FGGY: variants seen among roughly 807,000 people sequenced by gnomAD.
The protein encoded by FGGY is FGGY carbohydrate kinase domain-containing protein.
FGGY carries 72 observed loss-of-function variants against 71.3 expected under a neutral mutation model. The observed-to-expected ratio is 1.01, with a 90% CI of 0.84 to 1.23. FGGY has a LOEUF of 1.23. Among genes scored for constraint, FGGY ranks in the 50% most tolerant of loss-of-function variants. The pLI is 0.00. For synonymous variants in FGGY, 251 were observed against 250.3 expected (o/e 1.00, Z -0.02); for missense variants, 668 against 682.3 (o/e 0.98, Z 0.23).
intron 5 of FGGY, among the ~76,000 whole-genome samples, chr1:59,427,732 C>CA (rs1195776914): frequency 6.6e-6 from 1 of 152,186 alleles, no homozygotes; most frequent in African/African-American, 2.4e-5. Context: ...ACAAGGCAGT[C>CA]AAAGTACCTT....
chr1:59,718,932 C>A (rs2097864262), intron 14 of FGGY, among the ~76,000 whole-genome samples: 1 of 152,224 alleles, frequency 6.6e-6, no homozygotes, highest in African/African-American at 2.4e-5. Context: ...ATAACTGGCA[C>A]CCAGGACCAC....
chr1:59,496,087 T>C (rs571050171), intron 6 of FGGY, among the ~76,000 whole-genome samples: 1 of 152,356 alleles, frequency 6.6e-6, no homozygotes, highest in South Asian at 2.1e-4. Context: ...ATGGCCATTT[T>C]AATAATATTG....
intron 13 of FGGY, among the ~76,000 whole-genome samples, chr1:59,673,212 T>G (rs1030570025): frequency 1.3e-5 from 2 of 152,024 alleles, no homozygotes; most frequent in African/African-American, 4.8e-5. Flanking sequence ...GATGAAGCAG[T>G]TAAGGGGGTA....
At chr1:59,384,253 T>A (rs2059824119) in intron 5 of FGGY, among the ~76,000 whole-genome samples, 1 of 148,424 alleles carries the variant, frequency 6.7e-6, no homozygotes, top group Non-Finnish European at 1.5e-5. Context: ...TGTGAGCACC[T>A]TCAGAGACCT....
At chr1:59,409,408 T>TGGAGC (rs2063244859) in intron 5 of FGGY, among the ~76,000 whole-genome samples, 1 of 152,148 alleles carries the variant, frequency 6.6e-6, no homozygotes, top group African/African-American at 2.4e-5. Flanking sequence ...ACCTTCAGCC[T>TGGAGC]TGAATGTTCA....
intron 8 of FGGY, among the ~76,000 whole-genome samples, chr1:59,588,078 C>A (rs912012867): frequency 2.0e-5 from 3 of 152,044 alleles, no homozygotes; most frequent in African/African-American, 7.2e-5. Context: ...ACTAGAATAA[C>A]CAATACAAAG....
chr1:59,709,611 G>T (rs1166087101), intron 14 of FGGY, among the ~76,000 whole-genome samples: 18 of 152,136 alleles, frequency 1.2e-4, no homozygotes, highest in Admixed American at 1.1e-3. Context: ...ATCACACAAG[G>T]AATCTACTTG....
intron 6 of FGGY, among the ~76,000 whole-genome samples, chr1:59,491,766 A>C (rs1414390797): frequency 6.6e-6 from 1 of 152,028 alleles, no homozygotes; most frequent in African/African-American, 2.4e-5. Flanking sequence ...ACCTATTTTA[A>C]AAGAGTGGCA....
chr1:59,598,623 C>A (rs1336521781), intron 8 of FGGY, among the ~76,000 whole-genome samples: 1 of 152,044 alleles, frequency 6.6e-6, no homozygotes, highest in East Asian at 1.9e-4. Flanking sequence ...TTGTGTGTAT[C>A]TTGTTTTGCT....
chr1:59,403,572 T>C (rs1039456855), intron 5 of FGGY, among the ~76,000 whole-genome samples: 17 of 152,062 alleles, frequency 1.1e-4, no homozygotes, highest in African/African-American at 3.6e-4. Flanking sequence ...TGAAGGATGA[T>C]CAAGAATCTG....
chr1:59,373,161 C>T (rs924901378), intron 4 of FGGY, among the ~76,000 whole-genome samples: 3 of 152,016 alleles, frequency 2.0e-5, no homozygotes, highest in African/African-American at 7.3e-5. Flanking sequence ...CTAGAAAACC[C>T]CATTGTCTCA....
chr1:59,340,390 G>C (rs2050427743), intron 3 of FGGY, among the ~76,000 whole-genome samples: 1 of 152,212 alleles, frequency 6.6e-6, no homozygotes, highest in Non-Finnish European at 1.5e-5. Context: ...GATGTTTTCT[G>C]AGAAGAGAGT....
intron 8 of FGGY, among the ~76,000 whole-genome samples, chr1:59,600,099 G>A (rs903278966): frequency 2.6e-5 from 4 of 152,168 alleles, no homozygotes; most frequent in Non-Finnish European, 5.9e-5. Context: ...ATTTGGGTCA[G>A]GGAAACGAGT....
intron 4 of FGGY, among the ~76,000 whole-genome samples, chr1:59,377,785 G>T (rs72911698): frequency 0.022 from 3,349 of 152,222 alleles, 107 homozygotes; most frequent in African/African-American, 0.077. Context: ...TCCTGGGAGG[G>T]CACAGGGTGG....
intron 7 of FGGY, among the ~76,000 whole-genome samples, chr1:59,549,946 G>T (rs904471879): frequency 1.3e-5 from 2 of 152,162 alleles, no homozygotes; most frequent in African/African-American, 4.8e-5. Context: ...TATGAACTAT[G>T]TGTGTTACAT....
chr1:59,603,763 A>G (rs2096598922), intron 8 of FGGY, among the ~76,000 whole-genome samples: 1 of 152,160 alleles, frequency 6.6e-6, no homozygotes, highest in Non-Finnish European at 1.5e-5. Flanking sequence ...TCCCTAACCT[A>G]CTTGTCATCA....
intron 13 of FGGY, among the ~76,000 whole-genome samples, chr1:59,672,890 A>C (rs904222313): frequency 3.3e-5 from 5 of 152,210 alleles, no homozygotes; most frequent in African/African-American, 1.2e-4. Context: ...TATTTCTGTT[A>C]ATCTTAAACC....
chr1:59,736,987 G>T (rs2098111601), intron 14 of FGGY, among the ~76,000 whole-genome samples: 1 of 152,262 alleles, frequency 6.6e-6, no homozygotes, highest in Non-Finnish European at 1.5e-5. Flanking sequence ...GCAGCCTCAA[G>T]ACTTGGTGCC....
chr1:59,699,411 T>G (rs2097691692), intron 14 of FGGY: 1 of 985,216 alleles, frequency 1.0e-6, no homozygotes, highest in Non-Finnish European at 1.2e-6. Flanking sequence ...CAGGCTTCTG[T>G]TAGTTTTGCA....
Sources: gnomAD v4.1 joint callset for allele counts (sites outside exome capture counted in the v4.1 genomes callset) on GRCh38, gnomAD v4.1.1 for gene constraint, MANE v1.5 for transcripts, NCBI Gene and HGNC (gene_info 2026-07-23, HGNC 2026-07-21) for gene names.